PLD1: variants seen among roughly 807,000 people sequenced by gnomAD.
PLD1 encodes the protein choline phosphatase 1.
In PLD1, 112 loss-of-function variants were observed where a neutral mutation model predicts 137.1. The ratio of observed to expected loss-of-function variants is 0.82; its 90% CI spans 0.70 to 0.96. The LOEUF is 0.96. PLD1 is among the 40% of genes least tolerant of loss of function. The pLI is 0.00. For missense variants in PLD1, 1,321 were observed against 1,342.0 expected, an observed-to-expected ratio of 0.98 and a Z score of 0.24; for synonymous variants, 431 against 454.7, an observed-to-expected ratio of 0.95 and a Z score of 0.66.
chr3:171,808,540 A>T (rs1723967516), intron 1 of PLD1, among the ~76,000 whole-genome samples: 1 of 150,492 alleles, frequency 6.6e-6, no homozygotes, highest in Non-Finnish European at 1.5e-5. Flanking sequence ...CGTCTCAAAA[A>T]ATAATAATAA....
At chr3:171,665,625 A>C (rs1578221457) in intron 19 of PLD1, among the ~76,000 whole-genome samples, 1 of 151,976 alleles carries the variant, frequency 6.6e-6, no homozygotes, top group African/African-American at 2.4e-5. Flanking sequence ...GCTTGAACCC[A>C]GGAGGCGGAG....
intron 1 of PLD1, among the ~76,000 whole-genome samples, chr3:171,773,596 C>T (rs1310239653): frequency 1.3e-5 from 2 of 151,468 alleles, no homozygotes; most frequent in African/African-American, 2.4e-5. Flanking sequence ...AGCGAGACTC[C>T]GTCTCAAAAA....
rs571538714 is a variant in PLD1 at position 171,680,242 on chromosome 3, C to CTTTTTTTTTTTTTTT, written c.1868-2563_1868-2549dup. On this transcript the variant is annotated intron_variant, in intron 16 of 26. Transcript: ENST00000351298. ...GTCTTTTTGTTTTCTTTTTCTTCCT[C>CTTTTTTTTTTTTTTT]TTTTTTTTTTTTTTTTTTTTTTTTT... Among the ~76,000 whole-genome samples, 4 of 102,928 alleles carry CTTTTTTTTTTTTTTT rather than the reference C, an allele frequency of 3.9e-5. 2 individuals carry two copies. The highest frequency in any genetic ancestry group is 7.6e-5 in the Non-Finnish European group (4 of 52,644). The allele number at this position is 102,928 out of a possible 152,430, so 67.5% of individuals were successfully genotyped here. A position where few individuals can be genotyped will look rare whatever the true frequency, so the allele number is the denominator to read the frequency against.
intron 1 of PLD1, among the ~76,000 whole-genome samples, chr3:171,799,001 T>G (rs1275373644): frequency 1.3e-5 from 2 of 152,118 alleles, no homozygotes; most frequent in Non-Finnish European, 2.9e-5. Context: ...TCGACCAGAT[T>G]ATCTGGTCTC....
chr3:171,733,774 T>C (rs1719129087), intron 5 of PLD1, among the ~76,000 whole-genome samples: 1 of 152,242 alleles, frequency 6.6e-6, no homozygotes, highest in Non-Finnish European at 1.5e-5. Flanking sequence ...CAAGCCCTAT[T>C]ATATGTATAT....
intron 1 of PLD1, among the ~76,000 whole-genome samples, chr3:171,779,202 T>A (rs1160514105): frequency 6.6e-6 from 1 of 151,834 alleles, no homozygotes. Flanking sequence ...TCTGTCTCAA[T>A]GAAAAATAAA....
At chr3:171,771,651 C>T (rs889567283) in intron 1 of PLD1, among the ~76,000 whole-genome samples, 14 of 152,188 alleles carry the variant, frequency 9.2e-5, no homozygotes, top group African/African-American at 3.4e-4. Context: ...AGTCTGCCCT[C>T]CATTAGGGCC....
chr3:171,685,562 G>C (rs1714463109), intron 16 of PLD1, among the ~76,000 whole-genome samples: 1 of 152,134 alleles, frequency 6.6e-6, no homozygotes, highest in South Asian at 2.1e-4. Flanking sequence ...TCACTACCAA[G>C]CACTGCAACT....
chr3:171,621,146 A>G (rs1008966694), intron 23 of PLD1, among the ~76,000 whole-genome samples: 1 of 152,168 alleles, frequency 6.6e-6, no homozygotes, highest in Non-Finnish European at 1.5e-5. Flanking sequence ...TCCTTACTAC[A>G]TTAGACTTAG....
chr3:171,693,584 C>T (rs1465797320), intron 12 of PLD1, among the ~76,000 whole-genome samples: 1 of 152,034 alleles, frequency 6.6e-6, no homozygotes, highest in Admixed American at 6.6e-5. Context: ...TTGAATCCTC[C>T]TTATTTTTGT....
At chr3:171,762,641 T>C (rs1383593556) in intron 1 of PLD1, among the ~76,000 whole-genome samples, 2 of 151,750 alleles carry the variant, frequency 1.3e-5, no homozygotes, top group African/African-American at 2.4e-5. Flanking sequence ...CTCACGTGAG[T>C]GGAAAGCCCG....
At position 171,676,782 on chromosome 3, in the gene PLD1, G is replaced by A; in HGVS notation, c.2048C>T (p.Ser683Phe). Residue 683 changes from serine (S) to phenylalanine (F), a missense_variant, in exon 18 of 27, where the codon TCT becomes TTT. By Grantham distance (155) the Ser-to-Phe change is radical. Coordinates refer to ENST00000351298, the MANE Select transcript of PLD1 (RefSeq NM_002662.5). ...TPRMPWHDIA[S>F]AVHGKAARDV... ...ACGAGCCGCCTTCCCGTGGACTGCA[G>A]AGGCAATGTCATGCCAGGGCATCCG... 1 of 1,614,226 alleles carries A rather than the reference G, an allele frequency of 6.2e-7. No homozygotes were observed. Among genetic ancestry groups the A allele is most frequent in the Non-Finnish European group, 8.5e-7 (1 of 1,180,036 alleles).
chr3:171,626,015 G>A (rs879592434), intron 23 of PLD1, among the ~76,000 whole-genome samples: 10 of 152,210 alleles, frequency 6.6e-5, no homozygotes, highest in Non-Finnish European at 4.4e-5. Flanking sequence ...TGACTTTGAC[G>A]AGTTGAGAGA....
rs115559303 is a variant in PLD1, at chr3:171,808,174, G to T, written c.-32+2225C>A. Among the ~76,000 whole-genome samples the T allele has an allele frequency of 4.4e-3, 672 of 152,148 alleles. 1 individual carries two copies. Among genetic ancestry groups the T allele is most frequent in the Non-Finnish European group, 7.2e-3 (490 of 67,992 alleles). On this transcript the variant is annotated intron_variant, in intron 1 of 26. Transcript: ENST00000351298. ...GTTGTACCCCCAACCTCAGCTGCAT[G>T]CTGTATGTCCATGTAACAAACCTGC...
At chr3:171,754,453 T>C (rs182776461) in intron 1 of PLD1, among the ~76,000 whole-genome samples, 1 of 152,310 alleles carries the variant, frequency 6.6e-6, no homozygotes, top group East Asian at 1.9e-4. Context: ...GTGAAACTGT[T>C]GGTCTGAGAC....
chr3:171,754,848 T>C (rs1468560778), intron 1 of PLD1, among the ~76,000 whole-genome samples: 1 of 152,186 alleles, frequency 6.6e-6, no homozygotes, highest in African/African-American at 2.4e-5. Context: ...TCGCTCCTTA[T>C]TAAAACCAGG....
At chr3:171,673,160 G>C (rs1712965259) in intron 19 of PLD1, among the ~76,000 whole-genome samples, 1 of 152,032 alleles carries the variant, frequency 6.6e-6, no homozygotes, top group African/African-American at 2.4e-5. Flanking sequence ...AAATTAAACA[G>C]GTTCATAAAA....
intron 23 of PLD1, among the ~76,000 whole-genome samples, chr3:171,630,874 G>T (rs1478551220): frequency 8.7e-6 from 1 of 115,046 alleles, no homozygotes; most frequent in Non-Finnish European, 1.7e-5. Context: ...TGGGGTGGGG[G>T]GAGGGGGGAG....
At chr3:171,656,417 C>T (rs1005164335) in intron 21 of PLD1, among the ~76,000 whole-genome samples, 2 of 152,162 alleles carry the variant, frequency 1.3e-5, no homozygotes, top group Non-Finnish European at 2.9e-5. Context: ...GTGATCCACC[C>T]GCCTCAGCCT....
Sources: allele counts gnomAD v4.1 joint callset (sites outside exome capture counted in the v4.1 genomes callset), GRCh38; gene constraint gnomAD v4.1.1; transcripts MANE v1.5; gene names NCBI Gene and HGNC (gene_info 2026-07-23, HGNC 2026-07-21).